NYAP2: variants seen among roughly 807,000 people sequenced by gnomAD.
NYAP2 encodes neuronal tyrosine-phosphorylated phosphoinositide-3-kinase adaptor 2, also known as neuronal tyrosine-phosphorylated phosphoinositide-3-kinase adapter 2.
In NYAP2, 23 loss-of-function variants were observed where a neutral mutation model predicts 50.4. The observed-to-expected ratio is 0.46, with a 90% CI of 0.33 to 0.65. NYAP2 has a LOEUF of 0.65. Among genes scored for constraint, NYAP2 ranks in the 30% least tolerant of loss-of-function variants. The pLI is 0.02. For synonymous variants in NYAP2, 394 were observed against 365.2 expected (o/e 1.08, Z -0.90); for missense variants, 885 against 861.0 (o/e 1.03, Z -0.35).
chr2:225,541,369 C>T (rs964588938), intron 4 of NYAP2, among the ~76,000 whole-genome samples: 1 of 152,096 alleles, frequency 6.6e-6, no homozygotes, highest in Admixed American at 6.5e-5. Context: ...TTTGCCCAGT[C>T]CGATGTCCTG....
chr2:225,595,069 A>G (rs1346515977), intron 5 of NYAP2, among the ~76,000 whole-genome samples: 3 of 152,234 alleles, frequency 2.0e-5, no homozygotes, highest in African/African-American at 7.2e-5. Flanking sequence ...CTGATAATTG[A>G]TAATGGAGGA....
rs73090847 is a variant in NYAP2, at chr2:225,609,463, G to A, written c.1619-17454G>A. The stretch of plus-strand genomic sequence containing the variant: ...ATAGCACATTCAGCATCAGCTTTTC[G>A]TAGGACAAACTCAAGGAAAGAAGAC... On this transcript the variant is annotated intron_variant, in intron 5 of 6. Transcript: ENST00000636099. Among the ~76,000 whole-genome samples, 1,480 of 152,178 alleles carry A rather than the reference G, an allele frequency of 9.7e-3. 43 individuals carry two copies. Among genetic ancestry groups the A allele is most frequent in the African/African-American group, 0.034 (1,409 of 41,516 alleles).
At chr2:225,628,696 A>C (rs770635358) in intron 6 of NYAP2, among the ~76,000 whole-genome samples, 1 of 152,176 alleles carries the variant, frequency 6.6e-6, no homozygotes, top group African/African-American at 2.4e-5. Context: ...ATTGAGTCTT[A>C]TGATTAGTTT....
At chr2:225,534,520 T>A (rs2106199235) in intron 4 of NYAP2, among the ~76,000 whole-genome samples, 1 of 152,336 alleles carries the variant, frequency 6.6e-6, no homozygotes, top group South Asian at 2.1e-4. Flanking sequence ...ATCATAAACA[T>A]AATCCATAAA....
At chr2:225,569,821 G>A (rs1304259493) in intron 4 of NYAP2, among the ~76,000 whole-genome samples, 1 of 152,164 alleles carries the variant, frequency 6.6e-6, no homozygotes, top group Non-Finnish European at 1.5e-5. Context: ...ATGCTCTGCT[G>A]TTCACATCTA....
intron 3 of NYAP2, among the ~76,000 whole-genome samples, chr2:225,438,972 G>A (rs1009539952): frequency 6.6e-6 from 1 of 152,286 alleles, no homozygotes; most frequent in East Asian, 1.9e-4. Flanking sequence ...AGAATGTTCC[G>A]GGTAAGTGAG....
intron 3 of NYAP2, among the ~76,000 whole-genome samples, chr2:225,422,083 A>C (rs1695225488): frequency 6.8e-6 from 1 of 147,846 alleles, no homozygotes; most frequent in African/African-American, 2.5e-5. Context: ...CTTTTCTTTT[A>C]TTTTGTGTTT....
chr2:225,510,042 T>C (rs1179605184), intron 3 of NYAP2, among the ~76,000 whole-genome samples: 1 of 152,194 alleles, frequency 6.6e-6, no homozygotes, highest in Non-Finnish European at 1.5e-5. Context: ...ATAAGTTAGT[T>C]GGTGTTTTTC....
intron 4 of NYAP2, among the ~76,000 whole-genome samples, chr2:225,520,415 T>G (rs998397820): frequency 3.4e-4 from 52 of 152,220 alleles, no homozygotes; most frequent in East Asian, 5.8e-4. Flanking sequence ...GGTCTAACAT[T>G]TAAGTCTTTA....
chr2:225,460,600 T>G (rs959601451), intron 3 of NYAP2, among the ~76,000 whole-genome samples: 5 of 152,208 alleles, frequency 3.3e-5, no homozygotes, highest in Non-Finnish European at 7.3e-5. Context: ...TTTGGAAGAA[T>G]TATCTGGATA....
chr2:225,569,741 A>G (rs1216050619), intron 4 of NYAP2, among the ~76,000 whole-genome samples: 2 of 152,200 alleles, frequency 1.3e-5, no homozygotes, highest in African/African-American at 2.4e-5. Flanking sequence ...GTGGTTCAAG[A>G]TCATGATAGG....
intron 5 of NYAP2, among the ~76,000 whole-genome samples, chr2:225,610,966 G>A (rs1692872856): frequency 6.6e-6 from 1 of 152,158 alleles, no homozygotes; most frequent in East Asian, 1.9e-4. Context: ...TCCATTGACA[G>A]TTGTAGAATA....
intron 3 of NYAP2, among the ~76,000 whole-genome samples, chr2:225,471,133 C>G (rs562132367): frequency 2.6e-5 from 4 of 152,174 alleles, no homozygotes; most frequent in Non-Finnish European, 4.4e-5. Context: ...CAGATGCTAG[C>G]CACTTTGCAA....
intron 6 of NYAP2, among the ~76,000 whole-genome samples, chr2:225,635,951 AG>A (rs1456774952): frequency 6.6e-6 from 1 of 152,218 alleles, no homozygotes; most frequent in East Asian, 1.9e-4. Context: ...ATAAATATCC[AG>A]CTTGAGATTC....
intron 6 of NYAP2, among the ~76,000 whole-genome samples, chr2:225,639,956 G>A (rs1419333357): frequency 6.6e-6 from 1 of 152,098 alleles, no homozygotes; most frequent in African/African-American, 2.4e-5. Flanking sequence ...ACATAATTGA[G>A]GAGCTAAAAG....
the NYAP2 span, among the ~76,000 whole-genome samples, chr2:225,674,793 C>T: frequency 2.0e-5 from 3 of 152,064 alleles, no homozygotes; most frequent in Admixed American, 6.6e-5. Flanking sequence ...TAAATTTGGT[C>T]ACAATAGGAG....
chr2:225,656,371 TC>T (rs1377000894), downstream of NYAP2, among the ~76,000 whole-genome samples: 1 of 152,162 alleles, frequency 6.6e-6, no homozygotes, highest in Non-Finnish European at 1.5e-5. Flanking sequence ...TAAGCCCCGT[TC>T]CTTTCAACTT....
intron 3 of NYAP2, among the ~76,000 whole-genome samples, chr2:225,464,998 T>C (rs1417509433): frequency 6.6e-6 from 1 of 152,232 alleles, no homozygotes; most frequent in African/African-American, 2.4e-5. Context: ...CTGGCAAAAG[T>C]TATGAGTATT....
intron 3 of NYAP2, among the ~76,000 whole-genome samples, chr2:225,476,280 A>G (rs1690104611): frequency 6.6e-6 from 1 of 151,930 alleles, no homozygotes; most frequent in Non-Finnish European, 1.5e-5. Flanking sequence ...AGGCGTAGTG[A>G]TGGGCGCCTG....
Sources: allele counts gnomAD v4.1 joint callset (sites outside exome capture counted in the v4.1 genomes callset), GRCh38; gene constraint gnomAD v4.1.1; transcripts MANE v1.5; gene names NCBI Gene and HGNC (gene_info 2026-07-23, HGNC 2026-07-21).